The following HACE1 variants were observed in gnomAD, a reference collection of about 807,000 sequenced individuals.
HACE1 encodes E3 ubiquitin-protein ligase HACE1.
Under a neutral mutation model 118.4 loss-of-function variants are expected in HACE1, and 73 were observed. The ratio of observed to expected loss-of-function variants is 0.62; its 90% CI spans 0.51 to 0.75. The LOEUF (loss-of-function observed/expected upper bound fraction) is 0.75, where lower values mean the gene tolerates loss of function less well. Ranked by LOEUF, HACE1 falls within the 30% of genes least tolerant of loss-of-function variation. The pLI, the probability that HACE1 is intolerant of heterozygous loss-of-function variation, is 0.00. For missense variants in HACE1, 749 were observed against 1,102.2 expected (o/e 0.68, Z 4.54); for synonymous variants, 368 against 374.8 (o/e 0.98, Z 0.21).
chr6:104,760,449 A>G (rs890033090), intron 19 of HACE1, among the ~76,000 whole-genome samples: 1 of 151,936 alleles, frequency 6.6e-6, no homozygotes, highest in African/African-American at 2.4e-5. Context: ...CAAAAACCAC[A>G]ATTATCTCAA....
chr6:104,835,146 C>T (rs1189177591), intron 5 of HACE1, among the ~76,000 whole-genome samples: 1 of 152,142 alleles, frequency 6.6e-6, no homozygotes, highest in Non-Finnish European at 1.5e-5. Context: ...CTAAAGAAAT[C>T]GACACTGGAA....
chr6:104,793,579 A>T (rs1317735439), intron 10 of HACE1, among the ~76,000 whole-genome samples: 1 of 152,228 alleles, frequency 6.6e-6, no homozygotes, highest in African/African-American at 2.4e-5. Context: ...TGTGCTGGAT[A>T]ACACCTTAGT....
At chr6:104,758,821 C>T (rs930602830) in intron 19 of HACE1, among the ~76,000 whole-genome samples, 9 of 150,890 alleles carry the variant, frequency 6.0e-5, no homozygotes, top group Admixed American at 4.0e-4. Flanking sequence ...TGCAAAGACA[C>T]ACATAGGCTC....
At chr6:104,736,579 A>G (rs1775863268) in intron 22 of HACE1, among the ~76,000 whole-genome samples, 1 of 152,182 alleles carries the variant, frequency 6.6e-6, no homozygotes, top group Non-Finnish European at 1.5e-5. Context: ...TAAATGTCTT[A>G]TCTTTAATAC....
At chr6:104,734,774 C>G (rs1169340428) in intron 22 of HACE1, among the ~76,000 whole-genome samples, 2 of 152,146 alleles carry the variant, frequency 1.3e-5, no homozygotes, top group Non-Finnish European at 1.5e-5. Context: ...AGAAGGCTTG[C>G]ATATTACTAA....
At chr6:104,801,624 C>T (rs938882642) in intron 7 of HACE1, among the ~76,000 whole-genome samples, 1 of 152,228 alleles carries the variant, frequency 6.6e-6, no homozygotes, top group African/African-American at 2.4e-5. Context: ...CTAAGCTTCA[C>T]AAGTGAAGGA....
At chr6:104,855,132 G>A (rs553002892) in intron 1 of HACE1, among the ~76,000 whole-genome samples, 8 of 152,268 alleles carry the variant, frequency 5.3e-5, no homozygotes, top group East Asian at 3.9e-4. Context: ...TTATGTGGCT[G>A]ATTCCAGAGC....
At chr6:104,795,367 G>C (rs1421238519) in intron 10 of HACE1, among the ~76,000 whole-genome samples, 2 of 152,128 alleles carry the variant, frequency 1.3e-5, no homozygotes, top group African/African-American at 4.8e-5. Flanking sequence ...ATTCACTGAA[G>C]TATGCTCTAT....
chr6:104,771,586 T>C (rs759435055), intron 18 of HACE1, among the ~76,000 whole-genome samples, 197 bp from the exon 19 acceptor site: 1 of 152,094 alleles, frequency 6.6e-6, no homozygotes, highest in Non-Finnish European at 1.5e-5. Context: ...ATTGTTACAA[T>C]GTAATCTTTC....
rs759890829 is a variant in HACE1 at position 104,784,144 on chromosome 6, T to A, written c.1508A>T (p.His503Leu). 2.5e-6 allele frequency: 4 copies of A among 1,597,364 alleles called. No individual in the cohort carries two copies. In the South Asian group the frequency reaches 3.3e-5, roughly 13 times the overall value. Residue 503 changes from histidine to leucine, a missense_variant, in exon 14 of 24, where the codon CAC becomes CTC. Physicochemically the swap from His to Leu is moderately conservative, Grantham distance 99. Transcript: ENST00000262903. ...RNPKIIFDHF[H>L]FLLECPELMS... ...CAACTCAGGACATTCAAGGAGAAAG[T>A]GAAAGTGGTCAAATATAATTTTGGG... is the stretch of plus-strand genomic sequence containing the variant.
intron 6 of HACE1, among the ~76,000 whole-genome samples, chr6:104,825,949 C>T (rs1446598263): frequency 6.6e-6 from 1 of 152,126 alleles, no homozygotes; most frequent in Non-Finnish European, 1.5e-5. Flanking sequence ...TTATGCACTA[C>T]TCTAAATCAG....
At chr6:104,774,225 G>T (rs1780968818) in intron 17 of HACE1, among the ~76,000 whole-genome samples, 1 of 126,324 alleles carries the variant, frequency 7.9e-6, no homozygotes, top group East Asian at 2.0e-4. Flanking sequence ...AAGTAGCTGG[G>T]ACTACAGGCG....
At chr6:104,785,381 A>C (rs771859527) in intron 11 of HACE1, 62 bp from the exon 12 acceptor site, 15 of 873,890 alleles carry the variant, frequency 1.7e-5, no homozygotes, top group East Asian at 2.4e-5. Context: ...AAAAAAAAAA[A>C]ACAAAACACA....
chr6:104,731,501 T>C (rs1478479821), intron 22 of HACE1: 2 of 152,030 alleles, frequency 1.3e-5, no homozygotes, highest in Non-Finnish European at 2.9e-5. Flanking sequence ...AACAGTGTGA[T>C]ACTGCCAAGA....
intron 19 of HACE1, among the ~76,000 whole-genome samples, chr6:104,765,306 A>G (rs1304921187): frequency 6.6e-6 from 1 of 152,090 alleles, no homozygotes; most frequent in African/African-American, 2.4e-5. Context: ...TAAGAAATTC[A>G]CTCCTTGAAG....
intron 7 of HACE1, among the ~76,000 whole-genome samples, chr6:104,801,093 G>A (rs113790415): frequency 8.2e-4 from 125 of 152,154 alleles, no homozygotes; most frequent in African/African-American, 2.9e-3. Flanking sequence ...TAGCCGATTC[G>A]ATCAAGTGGA....
chr6:104,737,721 C>G (rs1354334360), intron 22 of HACE1, among the ~76,000 whole-genome samples: 1 of 152,166 alleles, frequency 6.6e-6, no homozygotes, highest in Non-Finnish European at 1.5e-5. Flanking sequence ...AGTCTGAGAC[C>G]AAACTGCAAG....
At chr6:104,746,525 C>T (rs1777441181) in intron 20 of HACE1, among the ~76,000 whole-genome samples, 1 of 152,206 alleles carries the variant, frequency 6.6e-6, no homozygotes, top group Non-Finnish European at 1.5e-5. Context: ...CATCTCTTTG[C>T]AGTAGCTATG....
chr6:104,815,613 T>C (rs1236806198), intron 6 of HACE1, among the ~76,000 whole-genome samples: 1 of 137,360 alleles, frequency 7.3e-6, no homozygotes, highest in African/African-American at 2.9e-5. Flanking sequence ...TCCACCCACC[T>C]TGGCCTCCTA....
Sources: gnomAD v4.1 joint callset for allele counts (sites outside exome capture counted in the v4.1 genomes callset) on GRCh38, gnomAD v4.1.1 for gene constraint, MANE v1.5 for transcripts, NCBI Gene and HGNC (gene_info 2026-07-23, HGNC 2026-07-21) for gene names.